Variants in PDE7B observed in about 807,000 individuals in gnomAD.
PDE7B encodes phosphodiesterase 7B.
PDE7B carries 29 observed loss-of-function variants against 56.2 expected under a neutral mutation model. That is an observed-to-expected ratio of 0.52 (90% CI 0.38 to 0.70). PDE7B has a LOEUF of 0.70. Among genes scored for constraint, PDE7B ranks in the 30% least tolerant of loss-of-function variants. The pLI, the probability that PDE7B is intolerant of heterozygous loss-of-function variation, is 0.00. For synonymous variants in PDE7B, 197 were observed against 196.9 expected, an observed-to-expected ratio of 1.00 and a Z score of 0.00; for missense variants, 490 against 565.0, an observed-to-expected ratio of 0.87 and a Z score of 1.35.
At chr6:135,961,255 A>ATGTG (rs961322926) in intron 2 of PDE7B, among the ~76,000 whole-genome samples, 58 of 146,186 alleles carry the variant, frequency 4.0e-4, no homozygotes, top group Middle Eastern at 3.4e-3. Context: ...TAGAGTGTAT[A>ATGTG]TGTGTGTGTG....
intron 2 of PDE7B, among the ~76,000 whole-genome samples, chr6:136,057,001 G>A (rs1776748538): frequency 1.3e-5 from 2 of 152,042 alleles, no homozygotes; most frequent in Admixed American, 1.3e-4. Context: ...GAGCCCAATG[G>A]CCCTGTATCT....
At chr6:135,855,342 C>T (rs1464007730) in intron 1 of PDE7B, among the ~76,000 whole-genome samples, 3 of 152,024 alleles carry the variant, frequency 2.0e-5, no homozygotes, top group Non-Finnish European at 4.4e-5. Flanking sequence ...GAAACGTATT[C>T]TGGTTGAGTA....
At chr6:135,886,360 T>C (rs1265597773) in intron 1 of PDE7B, among the ~76,000 whole-genome samples, 1 of 152,140 alleles carries the variant, frequency 6.6e-6, no homozygotes, top group Non-Finnish European at 1.5e-5. Context: ...CTTTTTTCCC[T>C]TAAGGAATAT....
intron 3 of PDE7B, among the ~76,000 whole-genome samples, chr6:136,111,498 G>A (rs1777747326): frequency 6.6e-6 from 1 of 152,154 alleles, no homozygotes; most frequent in Admixed American, 6.5e-5. Context: ...ACATTACTGT[G>A]GTCGCCCTCC....
intron 1 of PDE7B, among the ~76,000 whole-genome samples, chr6:135,892,368 A>G (rs1557142): frequency 0.73 from 111,417 of 152,042 alleles, 41,519 homozygotes; most frequent in African/African-American, 0.86. Context: ...AAGTGGCATT[A>G]TTAATAAATC....
At chr6:135,941,068 G>A (rs58144100) in intron 1 of PDE7B, among the ~76,000 whole-genome samples, 3 of 152,270 alleles carry the variant, frequency 2.0e-5, no homozygotes, top group Non-Finnish European at 4.4e-5. Context: ...TTGCAGATTC[G>A]AAGTAAATAG....
intron 2 of PDE7B, among the ~76,000 whole-genome samples, chr6:136,020,209 A>G (rs1168954328): frequency 6.6e-6 from 1 of 152,130 alleles, no homozygotes; most frequent in African/African-American, 2.4e-5. Flanking sequence ...GTGTGTGGAT[A>G]GTTGTTCAAA....
At chr6:136,154,606 C>G (rs1778576879) in intron 7 of PDE7B, among the ~76,000 whole-genome samples, 1 of 152,172 alleles carries the variant, frequency 6.6e-6, no homozygotes. Flanking sequence ...GTCTGATGTT[C>G]TATTTCCTAC....
At position 135,958,441 on chromosome 6, in the gene PDE7B, A is replaced by T. The variant is rs560156619; in HGVS notation, c.82+10917A>T. On this transcript the variant is annotated intron_variant, in intron 2 of 12. Transcript: ENST00000308191. ...CAATGTTAGGCTTTCTATTGGAAGG[A>T]GTATAGATTATAGTTATATTTCATT... is the stretch of plus-strand genomic sequence containing the variant. Among the ~76,000 whole-genome samples, 7 of 152,274 alleles carry T rather than the reference A, an allele frequency of 4.6e-5. No individual in the cohort carries two copies. The East Asian group carries it at 1.2e-3, about 25-fold the overall frequency.
chr6:135,924,175 A>C (rs1319569823), intron 1 of PDE7B, among the ~76,000 whole-genome samples: 1 of 152,232 alleles, frequency 6.6e-6, no homozygotes, highest in African/African-American at 2.4e-5. Context: ...TCTTTCATTC[A>C]ATAATTCTTA....
chr6:136,080,150 G>A (rs1777183753), intron 2 of PDE7B, among the ~76,000 whole-genome samples: 1 of 152,110 alleles, frequency 6.6e-6, no homozygotes, highest in Admixed American at 6.5e-5. Context: ...CCCCTTTTGG[G>A]TTCCCTGTGT....
At chr6:135,939,855 G>T (rs1300190932) in intron 1 of PDE7B, among the ~76,000 whole-genome samples, 1 of 152,092 alleles carries the variant, frequency 6.6e-6, no homozygotes, top group African/African-American at 2.4e-5. Context: ...CCTCTTTGGG[G>T]TAACTTCTAC....
At chr6:136,075,065 A>G (rs1043842023) in intron 2 of PDE7B, among the ~76,000 whole-genome samples, 2 of 152,226 alleles carry the variant, frequency 1.3e-5, no homozygotes, top group Non-Finnish European at 2.9e-5. Context: ...AAACAAATTC[A>G]CAAAATTAAT....
chr6:136,161,104 T>C (rs1180708319), intron 8 of PDE7B, among the ~76,000 whole-genome samples: 1 of 152,174 alleles, frequency 6.6e-6, no homozygotes, highest in African/African-American at 2.4e-5. Context: ...TACTCAAATA[T>C]AATATACAAT....
Position 136,031,857 on chromosome 6 carries a change from AGATT to A in PDE7B, c.83-76873_83-76870del, listed in dbSNP as rs376201222. On this transcript the variant is annotated intron_variant, in intron 2 of 12. Coordinates refer to ENST00000308191, the MANE Select transcript of PDE7B (RefSeq NM_018945.4). Reference sequence around the variant, plus strand: ...ATTAGTGGTCTAGTTTATTTTTATTAGATTAAGAGGAAAGAACCCTCACTCAGGC... The same window carrying A: ...ATTAGTGGTCTAGTTTATTTTTATTAAAGAGGAAAGAACCCTCACTCAGGC... Among the ~76,000 whole-genome samples, 50 of 151,988 alleles carry A rather than the reference AGATT, an allele frequency of 3.3e-4. No homozygotes were observed. In the East Asian group the frequency reaches 5.8e-3, roughly 18 times the overall value.
chr6:136,095,961 G>A (rs1326793609), intron 2 of PDE7B: 1 of 152,150 alleles, frequency 6.6e-6, no homozygotes, highest in African/African-American at 2.4e-5. Flanking sequence ...CTATAACATG[G>A]GTATAATATA....
At chr6:135,975,976 A>G (rs1254141825) in intron 2 of PDE7B, among the ~76,000 whole-genome samples, 1 of 152,034 alleles carries the variant, frequency 6.6e-6, no homozygotes, top group Non-Finnish European at 1.5e-5. Context: ...GAACCTTGGA[A>G]ACTCCTAGGT....
At chr6:135,976,936 T>A (rs755988411) in intron 2 of PDE7B, among the ~76,000 whole-genome samples, 1 of 152,152 alleles carries the variant, frequency 6.6e-6, no homozygotes, top group Non-Finnish European at 1.5e-5. Context: ...TTGATGTCTT[T>A]ACCTAGTGTA....
chr6:136,191,789 C>A lies in PDE7B; in HGVS notation c.1302C>A (p.Asp434Glu). The A allele has an allele frequency of 6.4e-7, 1 of 1,568,144 alleles. No individual in the cohort carries two copies. Among genetic ancestry groups the A allele is most frequent in the Non-Finnish European group, 8.6e-7 (1 of 1,157,174 alleles). Residue 434 changes from aspartate (D) to glutamate (E), a missense_variant, in exon 13 of 13, where the codon GAC becomes GAA. By Grantham distance (45) the Asp-to-Glu change is conservative. Transcript: ENST00000308191. ...RGSSGSGPDH[D>E]HAGQGTESEE... ...GCAGTGGCAGCGGGCCTGACCACGA[C>A]CACGCAGGCCAAGGGACTGAGAGCG...
Sources: allele counts gnomAD v4.1 joint callset (sites outside exome capture counted in the v4.1 genomes callset), GRCh38; gene constraint gnomAD v4.1.1; transcripts MANE v1.5; gene names NCBI Gene and HGNC (gene_info 2026-07-23, HGNC 2026-07-21).